Variants in HIVEP3 observed in about 807,000 individuals in gnomAD.
The protein encoded by HIVEP3 is HIVEP zinc finger 3.
HIVEP3 carries 49 observed loss-of-function variants against 152.8 expected under a neutral mutation model. That is an observed-to-expected ratio of 0.32 (90% CI 0.26 to 0.41). The LOEUF is 0.41. Ranked by LOEUF, HIVEP3 falls within the 10% of genes least tolerant of loss-of-function variation. HIVEP3 has a pLI of 1.00. For missense variants in HIVEP3, 2,790 were observed against 3,103.3 expected, an observed-to-expected ratio of 0.90 and a Z score of 2.40; for synonymous variants, 1,269 against 1,289.0, an observed-to-expected ratio of 0.98 and a Z score of 0.33.
At chr1:41,552,314 C>G (rs1411653412) in intron 5 of HIVEP3, among the ~76,000 whole-genome samples, 3 of 150,094 alleles carry the variant, frequency 2.0e-5, no homozygotes, top group Non-Finnish European at 3.0e-5. Flanking sequence ...TGCGTTGCAC[C>G]CACTAACTCG....
intron 1 of HIVEP3, among the ~76,000 whole-genome samples, chr1:41,863,922 C>T (rs1295588018): frequency 1.1e-4 from 16 of 152,122 alleles, no homozygotes; most frequent in Admixed American, 7.9e-4. Flanking sequence ...TAAGAAGGGC[C>T]GCAACTATTG....
chr1:41,795,558 G>GAATT (rs1482740149), intron 1 of HIVEP3, among the ~76,000 whole-genome samples: 1 of 152,182 alleles, frequency 6.6e-6, no homozygotes, highest in Non-Finnish European at 1.5e-5. Flanking sequence ...CCAGCGGAGG[G>GAATT]AATTTAAGCT....
intron 1 of HIVEP3, among the ~76,000 whole-genome samples, chr1:41,815,837 T>G (rs1417721064): frequency 6.6e-6 from 1 of 151,392 alleles, no homozygotes; most frequent in Non-Finnish European, 1.5e-5. Context: ...TGGTGGGATC[T>G]CGGCCCACTG....
chr1:41,761,334 A>C (rs765945482), intron 1 of HIVEP3, among the ~76,000 whole-genome samples: 5 of 152,006 alleles, frequency 3.3e-5, no homozygotes, highest in African/African-American at 4.8e-5. Flanking sequence ...GTATGCATGT[A>C]TGTACCTGTG....
intron 5 of HIVEP3, among the ~76,000 whole-genome samples, chr1:41,536,753 C>T (rs181010731): frequency 2.0e-5 from 3 of 152,236 alleles, no homozygotes; most frequent in South Asian, 2.1e-4. Flanking sequence ...GTGCCAAGCA[C>T]GATTTTAAAT....
chr1:41,913,096 G>T (rs1396785495), intron 1 of HIVEP3, among the ~76,000 whole-genome samples: 3 of 152,210 alleles, frequency 2.0e-5, no homozygotes, highest in Non-Finnish European at 4.4e-5. Context: ...TGCCACCAGG[G>T]AAACAGAAAC....
chr1:41,911,349 T>C (rs1644793063), intron 1 of HIVEP3, among the ~76,000 whole-genome samples: 1 of 152,194 alleles, frequency 6.6e-6, no homozygotes, highest in Admixed American at 6.5e-5. Flanking sequence ...TTTTTGACAA[T>C]ATCCTACAAA....
chr1:41,622,285 A>G (rs1432325267), intron 3 of HIVEP3, among the ~76,000 whole-genome samples: 1 of 152,204 alleles, frequency 6.6e-6, no homozygotes, highest in African/African-American at 2.4e-5. Flanking sequence ...TAAAGGTCCT[A>G]ATGCCATGGG....
At position 41,873,882 on chromosome 1, in the gene HIVEP3, T is replaced by C. The variant is rs1380684493; in HGVS notation, c.-801+44531A>G. ...CCCTCTCCCAGAAGGTGGAGAAGCT[T>C]CTCAAAGCAACTGGCCCAGGCAGCC... On this transcript the variant is annotated intron_variant, in intron 1 of 8. Transcript: ENST00000372583. This position sits in a 1 kb window ranked among gnomAD's most constrained non-coding sequence, Gnocchi z 4.2. 6.6e-6 allele frequency among the ~76,000 whole-genome samples: 1 copy of C among 152,088 alleles called. No individual in the cohort carries two copies. Among genetic ancestry groups the C allele is most frequent in the East Asian group, 1.9e-4 (1 of 5,180 alleles).
Position 41,510,305 on chromosome 1 carries a change from C to A in HIVEP3, c.*146G>T. The stretch of plus-strand genomic sequence containing the variant: ...AGAAAAAGGCACAGGTAACTGCATA[C>A]ATGGGAAGGTACAACAGATGGGGCC... On this transcript the variant is annotated 3_prime_UTR_variant, in exon 9 of 9. Coordinates refer to ENST00000372583, the MANE Select transcript of HIVEP3 (RefSeq NM_024503.5). 1.8e-6 allele frequency: 1 copy of A among 551,136 alleles called. No homozygotes were observed. Among genetic ancestry groups the A allele is most frequent in the Non-Finnish European group, 2.9e-6 (1 of 345,534 alleles). The allele number at this position is 551,136 out of a possible 1,614,324, so 34.1% of individuals were successfully genotyped here.
intron 4 of HIVEP3, among the ~76,000 whole-genome samples, chr1:41,576,280 G>T (rs774209159): frequency 6.6e-6 from 1 of 152,316 alleles, no homozygotes; most frequent in East Asian, 1.9e-4. Context: ...CCAGCAGGAC[G>T]TCCCCAATTC....
rs139051892 is a variant in HIVEP3, at chr1:41,537,290, T to G, written c.5208-12380A>C. On this transcript the variant is annotated intron_variant, in intron 5 of 8. Coordinates refer to ENST00000372583, the MANE Select transcript of HIVEP3 (RefSeq NM_024503.5). ...TCCAAGTCTGGATATTTTAAAGGTT[T>G]GCTGCATTTCTGATTTTATTATGAT... Among the ~76,000 whole-genome samples the G allele has an allele frequency of 1.5e-3, 229 of 152,400 alleles. No homozygotes were observed. The South Asian group carries it at 0.015, about 10-fold the overall frequency.
rs187024166 is a variant in HIVEP3, at chr1:41,568,598, C to T, written c.5207+6946G>A. Among the ~76,000 whole-genome samples, 268 of 152,308 alleles carry T rather than the reference C, an allele frequency of 1.8e-3. 3 individuals carry two copies. The highest frequency in any genetic ancestry group is 1.7e-3 in the Admixed American group (26 of 15,308). On this transcript the variant is annotated intron_variant, in intron 5 of 8. Coordinates refer to ENST00000372583, the MANE Select transcript of HIVEP3 (RefSeq NM_024503.5). ...GCAGGTGACTGTAGGACACTGTGAT[C>T]ACCCAGGTGTGAGCTACCAGTGGCC...
chr1:41,884,107 A>C (rs1570734219), intron 1 of HIVEP3, among the ~76,000 whole-genome samples: 1 of 152,150 alleles, frequency 6.6e-6, no homozygotes, highest in Non-Finnish European at 1.5e-5. Context: ...CTGGGATTAC[A>C]GGAGCACACC....
At chr1:41,864,254 C>T (rs1348912309) in intron 1 of HIVEP3, among the ~76,000 whole-genome samples, 1 of 152,156 alleles carries the variant, frequency 6.6e-6, no homozygotes, top group African/African-American at 2.4e-5. Context: ...AGAAACCATT[C>T]ACATTTGGGT....
At chr1:41,526,649 A>C (rs111214235) in intron 5 of HIVEP3, among the ~76,000 whole-genome samples, 8 of 3,370 alleles carry the variant, frequency 2.4e-3, no homozygotes, top group Non-Finnish European at 3.9e-3. Flanking sequence ...TCACACCCCC[A>C]CACTCACACT....
intron 1 of HIVEP3, among the ~76,000 whole-genome samples, chr1:41,948,548 G>A (rs1311681434): frequency 6.6e-6 from 1 of 151,946 alleles, no homozygotes; most frequent in Admixed American, 6.5e-5. Flanking sequence ...CCAAAGAGCC[G>A]CAAGGCAGGA....
At chr1:41,606,380 T>C (rs1644822644) in intron 3 of HIVEP3, among the ~76,000 whole-genome samples, 1 of 152,040 alleles carries the variant, frequency 6.6e-6, no homozygotes, top group Non-Finnish European at 1.5e-5. Context: ...TTTTGTTATA[T>C]GTTATTGCTT....
chr1:41,856,373 C>A (rs1247786086), intron 1 of HIVEP3, among the ~76,000 whole-genome samples: 1 of 152,140 alleles, frequency 6.6e-6, no homozygotes, highest in Non-Finnish European at 1.5e-5. Flanking sequence ...GGGCTGGGCA[C>A]GCTCAAGGTG....
Sources: gnomAD v4.1 joint callset for allele counts (sites outside exome capture counted in the v4.1 genomes callset) on GRCh38, gnomAD v4.1.1 for gene constraint, Gnocchi (gnomAD v3.1) non-coding constraint, MANE v1.5 for transcripts, NCBI Gene and HGNC (gene_info 2026-07-23, HGNC 2026-07-21) for gene names.